The following LAMA2 variants were observed in gnomAD, a reference collection of about 807,000 sequenced individuals.
LAMA2 encodes laminin subunit alpha-2.
A neutral mutation model predicts 364.8 loss-of-function variants in LAMA2; 269 were observed. The observed-to-expected ratio is 0.74, with a 90% CI of 0.67 to 0.82. The LOEUF (loss-of-function observed/expected upper bound fraction) is 0.82. Among genes scored for constraint, LAMA2 ranks in the 40% least tolerant of loss-of-function variants. LAMA2 has a pLI of 0.00. For missense variants in LAMA2, 3,807 were observed against 3,873.2 expected (o/e 0.98, Z 0.45); for synonymous variants, 1,379 against 1,370.6 (o/e 1.01, Z -0.14).
rs995168326 is a variant in LAMA2, at chr6:129,381,200, G to A, written c.4960-1922G>A. Among the ~76,000 whole-genome samples, 17 of 152,226 alleles carry A rather than the reference G, an allele frequency of 1.1e-4. No individual in the cohort carries two copies. The East Asian group carries it at 3.1e-3, about 28-fold the overall frequency. On this transcript the variant is annotated intron_variant, in intron 34 of 64. Transcript: ENST00000421865. ...ACATTAATCCGTAAGGTAAGATATT[G>A]GAAGATGACCAAAATATAGATCAAG...
In LAMA2 at chr6:128,985,896, T is replaced by G. The variant is rs182478257; in HGVS notation, c.113-64022T>G. On this transcript the variant is annotated intron_variant, in intron 1 of 64. Transcript: ENST00000421865. ...TCAAATATTGACAAGCTATTATTCT[T>G]TTACTATATATTGGCTAGAATTTTA... Among the ~76,000 whole-genome samples the G allele has an allele frequency of 2.6e-5, 4 of 152,340 alleles. No individual in the cohort carries two copies. In the East Asian group the frequency reaches 5.8e-4, roughly 22 times the overall value.
At chr6:129,200,675 A>G (rs1782229381) in intron 12 of LAMA2, among the ~76,000 whole-genome samples, 1 of 152,078 alleles carries the variant, frequency 6.6e-6, no homozygotes, top group African/African-American at 2.4e-5. Context: ...ATAAAGAGTT[A>G]GGACTTACTT....
At chr6:129,086,693 A>T (rs1774406824) in intron 3 of LAMA2, among the ~76,000 whole-genome samples, 1 of 152,216 alleles carries the variant, frequency 6.6e-6, no homozygotes, top group Non-Finnish European at 1.5e-5. Flanking sequence ...TACCTAGTGT[A>T]TCAGTTTTCT....
At position 129,401,288 on chromosome 6, in the gene LAMA2, A is replaced by G. The variant is rs1232091713; in HGVS notation, c.5510A>G (p.Asp1837Gly). ...GAGAACACTTTAAAAGAGGGCAATG[A>G]CATACTCGATGAAGCCAACCGTCTT... ...QIENTLKEGN[D>G]ILDEANRLAD... The change falls in exon 38 of 65, where the codon GAC becomes GGC. Residue 1837 changes from aspartate to glycine, a missense_variant. By Grantham distance (94) the Asp-to-Gly change is moderately conservative. Transcript: ENST00000421865. 3 of 1,613,096 alleles carry G rather than the reference A, an allele frequency of 1.9e-6. No homozygotes were observed. Among genetic ancestry groups the G allele is most frequent in the Non-Finnish European group, 8.5e-7 (1 of 1,179,070 alleles).
In LAMA2 at chr6:129,309,992, C is replaced by T. The variant is rs528672844; in HGVS notation, c.3175-2869C>T. On this transcript the variant is annotated intron_variant, in intron 22 of 64. Coordinates refer to ENST00000421865, the MANE Select transcript of LAMA2 (RefSeq NM_000426.4). ...TCGGCTCACTGCAAGCTCCGCCTCC[C>T]GGGTTCACGCCATTCTCCTGCCTCA... 7.4e-4 allele frequency among the ~76,000 whole-genome samples: 110 copies of T among 149,404 alleles called. 1 individual carries two copies. Among genetic ancestry groups the T allele is most frequent in the African/African-American group, 2.6e-3 (103 of 40,296 alleles).
At chr6:129,191,576 G>A (rs144556052) in intron 11 of LAMA2, among the ~76,000 whole-genome samples, 337 of 152,282 alleles carry the variant, frequency 2.2e-3, no homozygotes, top group African/African-American at 7.1e-3. Context: ...CCATTCAACT[G>A]TCTTACAATG....
rs1218167725 is a variant in LAMA2, at chr6:129,402,480, C to A, written c.5719C>A (p.Leu1907Ile). ...AAQLNDSSAV[L>I]DGILDEAKNI... is the part of the protein sequence containing the mutation. ...TCAGTTGAATGACTCATCTGCTGTCCTTGATGGGTATGTCATTTGTTTTTG... is the reference window on the plus strand; with the variant it reads ...TCAGTTGAATGACTCATCTGCTGTCATTGATGGGTATGTCATTTGTTTTTG... Residue 1907 changes from leucine (L) to isoleucine (I), a missense_variant, in exon 39 of 65, where the codon CTT (leucine) becomes ATT (isoleucine). By Grantham distance (5) the Leu-to-Ile change is conservative (BLOSUM62 2). Coordinates refer to ENST00000421865, the MANE Select transcript of LAMA2 (RefSeq NM_000426.4). 1 of 1,613,984 alleles carries A rather than the reference C, an allele frequency of 6.2e-7. No individual in the cohort carries two copies. The highest frequency in any genetic ancestry group is 1.3e-5 in the African/African-American group (1 of 75,048).
In LAMA2 at chr6:129,369,979, C is replaced by A; in HGVS notation, c.4948C>A (p.Leu1650Met). ...LNTLVTEMNE[L>M]LTRATKVTAD... The stretch of plus-strand genomic sequence containing the variant: ...TACACTCGTGACCGAAATGAACGAG[C>A]TGCTGACCAGGGTAAGGTGGCAAAA... Residue 1650 changes from leucine to methionine, a missense_variant, in exon 34 of 65, where the codon CTG becomes ATG. Leu to Met is a conservative substitution (Grantham distance 15). This residue lies in a region of LAMA2 where 3,333 missense variants were observed against 3,345.7 expected (regional missense o/e 1.00). Transcript: ENST00000421865. 6.2e-7 allele frequency: 1 copy of A among 1,613,944 alleles called. No homozygotes were observed. Among genetic ancestry groups the A allele is most frequent in the Non-Finnish European group, 8.5e-7 (1 of 1,179,860 alleles).
intron 51 of LAMA2, among the ~76,000 whole-genome samples, chr6:129,468,183 A>T (rs956030487): frequency 4.6e-5 from 7 of 151,706 alleles, no homozygotes; most frequent in African/African-American, 1.7e-4. Context: ...CATTCTCCTT[A>T]CTTCTCTATT....
At chr6:128,909,055 A>T (rs376261645) in intron 1 of LAMA2, among the ~76,000 whole-genome samples, 18,526 of 146,054 alleles carry the variant, frequency 0.13, 1,457 homozygotes, top group African/African-American at 0.24. Flanking sequence ...TTTACTTCCA[A>T]GTATGTGGTC....
intron 32 of LAMA2, among the ~76,000 whole-genome samples, chr6:129,353,996 T>C (rs1232017895): frequency 6.6e-6 from 1 of 152,212 alleles, no homozygotes; most frequent in Admixed American, 6.5e-5. Context: ...AGTAGCTAAA[T>C]ATAATTCTTG....
chr6:128,922,798 A>G (rs1778822917), intron 1 of LAMA2, among the ~76,000 whole-genome samples: 1 of 152,148 alleles, frequency 6.6e-6, no homozygotes, highest in South Asian at 2.1e-4. Context: ...CTATGTCCTG[A>G]ATGGTAATGC....
At position 129,391,739 on chromosome 6, in the gene LAMA2, A is replaced by G. The variant is rs982609126; in HGVS notation, c.5234+86A>G. 3.5e-6 allele frequency: 4 copies of G among 1,159,410 alleles called. No homozygotes were observed. In the African/African-American group the frequency reaches 6.2e-5, roughly 18 times the overall value. 71.8% of individuals were successfully genotyped at this position (1,159,410 alleles called of 1,614,324 possible). On this transcript the variant is annotated intron_variant, in intron 36 of 64. Transcript: ENST00000421865. ...TTTTCTAAATTTTTATCACACGTAT[A>G]AGTAAAAGATGCTTTGTTTTTCCAA... is the stretch of plus-strand genomic sequence containing the variant.
intron 37 of LAMA2, among the ~76,000 whole-genome samples, chr6:129,395,466 A>G (rs762330159): frequency 2.0e-5 from 3 of 152,164 alleles, no homozygotes; most frequent in African/African-American, 2.4e-5. Context: ...CAACTTGTCA[A>G]AAAGACAAAT....
At chr6:128,906,473 G>C (rs1298911664) in intron 1 of LAMA2, among the ~76,000 whole-genome samples, 1 of 117,856 alleles carries the variant, frequency 8.5e-6, no homozygotes, top group Non-Finnish European at 1.7e-5. Flanking sequence ...CCCACTTTTT[G>C]ATGGGGTTGT....
intron 1 of LAMA2, among the ~76,000 whole-genome samples, chr6:128,949,298 C>A (rs1275276886): frequency 6.6e-6 from 1 of 152,074 alleles, no homozygotes; most frequent in Non-Finnish European, 1.5e-5. Context: ...TCTTCTTTAA[C>A]CAAGGGCCAA....
In LAMA2 at chr6:129,200,319, T is replaced by C. The variant is rs546115893; in HGVS notation, c.1782+7466T>C. Among the ~76,000 whole-genome samples, 23 of 148,674 alleles carry C rather than the reference T, an allele frequency of 1.5e-4. 2 individuals are homozygous for C. The highest frequency in any genetic ancestry group is 5.1e-4 in the African/African-American group (21 of 40,886). On this transcript the variant is annotated intron_variant, in intron 12 of 64. Transcript: ENST00000421865. ...ATATACATGTGTGTATATATATACG[T>C]GTACACATATACATATACACGTATA...
chr6:129,367,704 A>T (rs781379587), intron 33 of LAMA2, among the ~76,000 whole-genome samples: 1 of 152,238 alleles, frequency 6.6e-6, no homozygotes, highest in Non-Finnish European at 1.5e-5. Context: ...TTTCCAGAAG[A>T]AGAAACCAAT....
At chr6:129,146,607 C>A (rs538973222) in intron 5 of LAMA2, among the ~76,000 whole-genome samples, 89 of 152,096 alleles carry the variant, frequency 5.9e-4, no homozygotes, top group African/African-American at 2.1e-3. Flanking sequence ...AAGAGGGTTT[C>A]TTGCAAGAAA....
Sources: gnomAD v4.1 joint callset for allele counts (sites outside exome capture counted in the v4.1 genomes callset) on GRCh38, gnomAD v4.1.1 for gene constraint, gnomAD v4.1.1 regional missense constraint, MANE v1.5 for transcripts, NCBI Gene and HGNC (gene_info 2026-07-23, HGNC 2026-07-21) for gene names.